CX3CR1: variants seen among roughly 807,000 people sequenced by gnomAD.
CX3CR1 encodes CX3C chemokine receptor 1.
For synonymous variants in CX3CR1, 168 were observed against 178.5 expected (o/e 0.94, Z 0.47); for missense variants, 363 against 432.4 (o/e 0.84, Z 1.42).
At chr3:39,284,177 G>GT (rs755082571), upstream of CX3CR1, among the ~76,000 whole-genome samples, 1,060 of 149,492 alleles carry the variant, frequency 7.1e-3, 5 homozygotes, top group Non-Finnish European at 0.011. Flanking sequence ...CATTGTCTAA[G>GT]TTTTTTTTTT....
intron 1 of CX3CR1, among the ~76,000 whole-genome samples, chr3:39,269,594 T>C (rs1559778214): frequency 6.6e-6 from 1 of 152,224 alleles, no homozygotes; most frequent in Non-Finnish European, 1.5e-5. Flanking sequence ...TTTTGCCTGA[T>C]ACGTGGTGAT....
upstream of CX3CR1, chr3:39,280,543 A>G: frequency 3.4e-6 from 3 of 878,216 alleles, no homozygotes; most frequent in Non-Finnish European, 4.1e-6. Context: ...GAAGAGTGAT[A>G]TGCATACTAA....
intron 1 of CX3CR1, among the ~76,000 whole-genome samples, chr3:39,277,718 G>A (rs6796040): frequency 0.97 from 148,248 of 152,256 alleles, 72,281 homozygotes; most frequent in East Asian, 1. Context: ...TTCCTCCTGG[G>A]ATGGGGTGGG....
At chr3:39,270,637 T>C (rs1167190866) in intron 1 of CX3CR1, among the ~76,000 whole-genome samples, 1 of 152,236 alleles carries the variant, frequency 6.6e-6, no homozygotes, top group Non-Finnish European at 1.5e-5. Context: ...GCGTATTTTG[T>C]ATAAAGTTTA....
At chr3:39,285,933 CA>C (rs1410011295), upstream of CX3CR1, 2 of 152,182 alleles carry the variant, frequency 1.3e-5, no homozygotes, top group Non-Finnish European at 2.9e-5. Flanking sequence ...CTCTCACAAA[CA>C]GCTTTAAAAC....
At chr3:39,290,408 G>C in the CX3CR1 span, among the ~76,000 whole-genome samples, 1 of 152,240 alleles carries the variant, frequency 6.6e-6, no homozygotes, top group Admixed American at 6.5e-5. Flanking sequence ...CATGGTCACA[G>C]TGTGTGGGAA....
In CX3CR1 at chr3:39,265,358, T is replaced by TAAC; in HGVS notation, c.*81_*83dup. ...TCCATCATTTTGTGCCTGTAAGAAA[T>TAAC]AACAACAAAAATCTTTCCTCACTAG... is the stretch of plus-strand genomic sequence containing the variant. On this transcript the variant is annotated 3_prime_UTR_variant, in exon 2 of 2. Coordinates refer to ENST00000399220, the MANE Select transcript of CX3CR1 (RefSeq NM_001337.4). 7.0e-7 allele frequency: 1 copy of TAAC among 1,422,876 alleles called. No homozygotes were observed. The allele number at this position is 1,422,876 out of a possible 1,614,324, so 88.1% of individuals were successfully genotyped here. A position where few individuals can be genotyped will look rare whatever the true frequency, so the allele number is the denominator to read the frequency against.
rs759575687 is a variant in CX3CR1 at position 39,274,472 on chromosome 3, AACC to A, written c.-10+5479_-10+5481del. ...AAATGCACACCCAACCCTTCCCTCC[AACC>A]ACCACCAAAAAAAAAAAAAAAAAAA... On this transcript the variant is annotated intron_variant, in intron 1 of 1. Transcript: ENST00000399220. 2.1e-3 allele frequency among the ~76,000 whole-genome samples: 215 copies of A among 104,142 alleles called. 19 individuals carry two copies. The highest frequency in any genetic ancestry group is 3.3e-3 in the Non-Finnish European group (179 of 54,842). The allele number at this position is 104,142 out of a possible 152,430, so 68.3% of individuals were successfully genotyped here. A position where few individuals can be genotyped will look rare whatever the true frequency, so the allele number is the denominator to read the frequency against.
Position 39,265,689 on chromosome 3 carries a change from G to T in CX3CR1, c.821C>A (p.Ala274Asp). The T allele has an allele frequency of 6.2e-7, 1 of 1,613,870 alleles. No individual in the cohort carries two copies. Among genetic ancestry groups the T allele is most frequent in the Non-Finnish European group, 8.5e-7 (1 of 1,179,756 alleles). ...SCDMRKDLRL[A>D]LSVTETVAFS... is the part of the protein sequence containing the mutation. ...TGCAACCGTCTCAGTCACACTGAGG[G>T]CCAGCCTCAGATCCTTCCTCATGTC... The change falls in exon 2 of 2, where the codon GCC (alanine) becomes GAC (aspartate). Residue 274 changes from alanine to aspartate, a missense_variant. By Grantham distance (126) the Ala-to-Asp change is moderately radical (BLOSUM62 -2). Coordinates refer to ENST00000399220, the MANE Select transcript of CX3CR1 (RefSeq NM_001337.4).
upstream of CX3CR1, among the ~76,000 whole-genome samples, chr3:39,284,128 A>G (rs1226509639): frequency 2.0e-5 from 3 of 151,794 alleles, no homozygotes; most frequent in Non-Finnish European, 4.4e-5. Flanking sequence ...TAATATCTAA[A>G]AGGACTTGTT....
the CX3CR1 span, among the ~76,000 whole-genome samples, chr3:39,288,999 C>A: frequency 6.6e-6 from 1 of 152,022 alleles, no homozygotes; most frequent in East Asian, 1.9e-4. Context: ...ACTAAAAGTA[C>A]AAAAATTAGC....
chr3:39,269,756 C>T (rs888499510), intron 1 of CX3CR1, among the ~76,000 whole-genome samples: 4 of 152,132 alleles, frequency 2.6e-5, no homozygotes, highest in African/African-American at 9.7e-5. Flanking sequence ...CAGTGAAGAC[C>T]CTAGAATTGC....
upstream of CX3CR1, among the ~76,000 whole-genome samples, chr3:39,284,733 A>G (rs988434498): frequency 2.6e-5 from 4 of 152,192 alleles, no homozygotes; most frequent in African/African-American, 9.7e-5. Flanking sequence ...AGATGATGAA[A>G]TGGGGAGAAA....
At chr3:39,269,022 C>G (rs2040739485) in intron 1 of CX3CR1, among the ~76,000 whole-genome samples, 1 of 151,768 alleles carries the variant, frequency 6.6e-6, no homozygotes, top group Non-Finnish European at 1.5e-5. Flanking sequence ...TTTTTTTTCC[C>G]CCTGAAATAA....
Position 39,265,454 on chromosome 3 carries a change from C to G in CX3CR1, c.1056G>C (p.Leu352Phe). Reference protein sequence around the residue: ...FTYHTSDGDALLLL With the variant: ...FTYHTSDGDAFLLL ...TTTGGGATTCCCTTCAGAGAAGGAG[C>G]AATGCATCTCCATCACTCGTGTGGT... Residue 352 changes from leucine (L) to phenylalanine (F), a missense_variant, in exon 2 of 2, where the codon TTG (leucine) becomes TTC (phenylalanine). Physicochemically the swap from Leu to Phe is conservative, Grantham distance 22. Transcript: ENST00000399220. The G allele has an allele frequency of 6.2e-7, 1 of 1,608,374 alleles. No homozygotes were observed. The highest frequency in any genetic ancestry group is 8.5e-7 in the Non-Finnish European group (1 of 1,176,020).
chr3:39,269,644 A>G (rs1462166877), intron 1 of CX3CR1, among the ~76,000 whole-genome samples: 1 of 152,222 alleles, frequency 6.6e-6, no homozygotes, highest in Non-Finnish European at 1.5e-5. Flanking sequence ...ATGGGCATCC[A>G]TCTGGCTTGG....
At position 39,265,564 on chromosome 3, in the gene CX3CR1, A is replaced by T. The variant is rs1175385765; in HGVS notation, c.946T>A (p.Cys316Ser). The change falls in exon 2 of 2, where the codon TGT becomes AGT. Residue 316 changes from cysteine to serine, a missense_variant. Coordinates refer to ENST00000399220, the MANE Select transcript of CX3CR1 (RefSeq NM_001337.4). Reference sequence around the variant, plus strand: ...AAATCAACGTGGACTGAGCGCCCACACAGGACAGCCAGGCATTTCCCATAC... The same window carrying T: ...AAATCAACGTGGACTGAGCGCCCACTCAGGACAGCCAGGCATTTCCCATAC... ...HLYGKCLAVL[C>S]GRSVHVDFSS... 1 of 1,614,100 alleles carries T rather than the reference A, an allele frequency of 6.2e-7. No individual in the cohort carries two copies. The highest frequency in any genetic ancestry group is 1.3e-5 in the African/African-American group (1 of 74,946).
chr3:39,285,915 A>G (rs774767563), upstream of CX3CR1: 2 of 152,208 alleles, frequency 1.3e-5, no homozygotes, highest in South Asian at 2.1e-4. Flanking sequence ...AAGGAAAATA[A>G]TAGTTGTCTC....
At chr3:39,290,276 TG>T in the CX3CR1 span, among the ~76,000 whole-genome samples, 1 of 152,096 alleles carries the variant, frequency 6.6e-6, no homozygotes, top group Non-Finnish European at 1.5e-5. Context: ...GGATTTTATC[TG>T]GGGGGATTGA....
Sources: allele counts gnomAD v4.1 joint callset (sites outside exome capture counted in the v4.1 genomes callset), GRCh38; gene constraint gnomAD v4.1.1; transcripts MANE v1.5; gene names NCBI Gene and HGNC (gene_info 2026-07-23, HGNC 2026-07-21).